The following F10 variants were observed in gnomAD, a reference collection of about 807,000 sequenced individuals.
The protein encoded by F10 is Stuart-Prower factor.
Under a neutral mutation model 37.1 loss-of-function variants are expected in F10, and 29 were observed. The ratio of observed to expected loss-of-function variants is 0.78; its 90% CI spans 0.58 to 1.07. The LOEUF is 1.07. F10 is among the 50% of genes least tolerant of loss of function. F10 has a pLI of 0.00. For missense variants in F10, 539 were observed against 667.9 expected (o/e 0.81, Z 2.13); for synonymous variants, 262 against 268.6 (o/e 0.98, Z 0.24).
At position 113,143,927 on chromosome 13, in the gene F10, G is replaced by A. The variant is rs1168291349; in HGVS notation, c.579G>A (p.Glu193=). ...CCCAGGCCACCAGCAGCAGCGGGGAGGCCCCTGACAGCATCACATGGAAGC... is the reference window on the plus strand; with the variant it reads ...CCCAGGCCACCAGCAGCAGCGGGGAAGCCCCTGACAGCATCACATGGAAGC... ...SVAQATSSSG[E]APDSITWKPY... is the part of the protein sequence containing the mutation. Residue 193 remains glutamate, a synonymous_variant, in exon 6 of 8, where the codon GAG becomes GAA. Transcript: ENST00000375559. The surrounding 1 kb of genome is among the most constrained non-coding windows in gnomAD (Gnocchi z 6.8). 6.2e-7 allele frequency: 1 copy of A among 1,613,498 alleles called. No individual in the cohort carries two copies. The highest frequency in any genetic ancestry group is 8.5e-7 in the Non-Finnish European group (1 of 1,180,010).
chr13:113,147,298 G>A (rs367551553), intron 6 of F10, 81 bp from the exon 7 acceptor site: 1 of 938,460 alleles, frequency 1.1e-6, no homozygotes, highest in East Asian at 2.4e-5. Flanking sequence ...GCCGGGCAGT[G>A]CCACCTGAAG....
chr13:113,139,668 G>A lies in F10; in HGVS notation c.370+198G>A, dbSNP rs557070631. Among the ~76,000 whole-genome samples, 2 of 152,022 alleles carry A rather than the reference G, an allele frequency of 1.3e-5. No homozygotes were observed. Among genetic ancestry groups the A allele is most frequent in the South Asian group, 2.1e-4 (1 of 4,786 alleles). ...CCCCAATATGTCCCCCAAACGATTC[G>A]GTTTGGGGGCATGATGAGAGAGACA... On this transcript the variant is annotated intron_variant, in intron 4 of 7. Transcript: ENST00000375559. The surrounding 1 kb of genome is among the most constrained non-coding windows in gnomAD (Gnocchi z 5.2).
chr13:113,144,628 C>T lies in F10; in HGVS notation c.747+533C>T, dbSNP rs1355442062. 6.6e-6 allele frequency among the ~76,000 whole-genome samples: 1 copy of T among 152,252 alleles called. No homozygotes were observed. Among genetic ancestry groups the T allele is most frequent in the Non-Finnish European group, 1.5e-5 (1 of 68,038 alleles). ...TTTCTAATTTTGGAATTTTTTTACCCAAACACCTAAATCCTATGGAGGTAG... is the reference window on the plus strand; with the variant it reads ...TTTCTAATTTTGGAATTTTTTTACCTAAACACCTAAATCCTATGGAGGTAG... On this transcript the variant is annotated intron_variant, in intron 6 of 7. Coordinates refer to ENST00000375559, the MANE Select transcript of F10 (RefSeq NM_000504.4). This position sits in a 1 kb window ranked among gnomAD's most constrained non-coding sequence, Gnocchi z 6.4.
Position 113,129,498 on chromosome 13 carries a change from G to A in F10, c.117G>A (p.Thr39=), listed in dbSNP as rs371972257. 2.5e-5 allele frequency: 40 copies of A among 1,613,994 alleles called. No individual in the cohort carries two copies. Among genetic ancestry groups the A allele is most frequent in the Non-Finnish European group, 3.1e-5 (37 of 1,180,014 alleles). The stretch of plus-strand genomic sequence containing the variant: ...CCAACAACATCCTGGCGAGGGTCAC[G>A]AGGGCCAATTCCTTTCTTGAAGAGA... ...EQANNILARV[T]RANSFLEEMK... The change falls in exon 2 of 8, where the codon ACG becomes ACA. Residue 39 remains threonine (T), a synonymous_variant. Transcript: ENST00000375559.
rs974876792 is a variant in F10 at position 113,146,584 on chromosome 13, T to C, written c.748-795T>C. 5.3e-5 allele frequency among the ~76,000 whole-genome samples: 8 copies of C among 152,232 alleles called. No homozygotes were observed. Among genetic ancestry groups the C allele is most frequent in the African/African-American group, 1.9e-4 (8 of 41,458 alleles). On this transcript the variant is annotated intron_variant, in intron 6 of 7. Coordinates refer to ENST00000375559, the MANE Select transcript of F10 (RefSeq NM_000504.4). The surrounding 1 kb of genome is among the most constrained non-coding windows in gnomAD (Gnocchi z 4.5). Reference sequence around the variant, plus strand: ...GTGTTCGTGTCTTAGAAAGCCTGACTTTCCCTCATGTAAGCTGGATGATGA... The same window carrying C: ...GTGTTCGTGTCTTAGAAAGCCTGACCTTCCCTCATGTAAGCTGGATGATGA...
chr13:113,148,476 T>G (rs2138556341), intron 7 of F10, among the ~76,000 whole-genome samples: 1 of 151,858 alleles, frequency 6.6e-6, no homozygotes, highest in African/African-American at 2.4e-5. Flanking sequence ...CCATGTGTAA[T>G]CATGTTAAAG....
chr13:113,139,519 T>G lies in F10; in HGVS notation c.370+49T>G. 4.2e-6 allele frequency: 6 copies of G among 1,426,048 alleles called. No homozygotes were observed. The highest frequency in any genetic ancestry group is 1.4e-5 in the African/African-American group (1 of 71,332). 88.3% of individuals were successfully genotyped at this position (1,426,048 alleles called of 1,614,324 possible). A position where few individuals can be genotyped will look rare whatever the true frequency, so the allele number is the denominator to read the frequency against. ...CTTCAGATCAGATGCCCCTGAAGAG[T>G]GGCAGGTGGGCGGGGGAAGAAGTGA... On this transcript the variant is annotated intron_variant, in intron 4 of 7. Coordinates refer to ENST00000375559, the MANE Select transcript of F10 (RefSeq NM_000504.4). The surrounding 1 kb of genome is among the most constrained non-coding windows in gnomAD (Gnocchi z 5.2).
intron 1 of F10, among the ~76,000 whole-genome samples, chr13:113,127,833 C>A (rs891840743): frequency 2.0e-5 from 3 of 152,096 alleles, no homozygotes; most frequent in South Asian, 2.1e-4. Flanking sequence ...AGAGCAGAGA[C>A]CTTAAAGACG....
At chr13:113,135,264 A>AAAAG (rs2036468328) in intron 2 of F10, among the ~76,000 whole-genome samples, 1 of 151,900 alleles carries the variant, frequency 6.6e-6, no homozygotes, top group African/African-American at 2.4e-5. Flanking sequence ...AAAACAAAAG[A>AAAAG]AAAGAAAGAA....
At chr13:113,148,391 C>CAT (rs569007060) in intron 7 of F10, among the ~76,000 whole-genome samples, 1,247 of 24,438 alleles carry the variant, frequency 0.051, 16 homozygotes, top group Non-Finnish European at 0.12. Flanking sequence ...TATATATATA[C>CAT]ATATATATAC....
chr13:113,129,613 G>A lies in F10; in HGVS notation c.231+1G>A, dbSNP rs1358590446. The A allele has an allele frequency of 6.2e-7, 1 of 1,614,138 alleles. No individual in the cohort carries two copies. Among genetic ancestry groups the A allele is most frequent in the Non-Finnish European group, 8.5e-7 (1 of 1,180,016 alleles). On this transcript the variant is annotated splice_donor_variant, in intron 2 of 7. Coordinates refer to ENST00000375559, the MANE Select transcript of F10 (RefSeq NM_000504.4). LOFTEE classifies it high-confidence loss of function. ...GGTCTTTGAGGACAGCGACAAGACG[G>A]TAAGGGCTGGGGATAGCCTGGCTGT...
At chr13:113,135,523 G>A (rs1164941970) in intron 2 of F10, among the ~76,000 whole-genome samples, 1 of 152,188 alleles carries the variant, frequency 6.6e-6, no homozygotes, top group Non-Finnish European at 1.5e-5. Flanking sequence ...CAAACACTGT[G>A]TGAAGCCTCT....
At position 113,139,275 on chromosome 13, in the gene F10, G is replaced by A. The variant is rs1328078799; in HGVS notation, c.257-82G>A. The A allele has an allele frequency of 3.6e-6, 4 of 1,126,606 alleles. No homozygotes were observed. Among genetic ancestry groups the A allele is most frequent in the Middle Eastern group, 5.5e-4 (2 of 3,662 alleles). 69.8% of individuals were successfully genotyped at this position (1,126,606 alleles called of 1,614,324 possible). A position where few individuals can be genotyped will look rare whatever the true frequency, so the allele number is the denominator to read the frequency against. ...ACTCTTCCAGTTATCTGAACGGCAG[G>A]GCCAAGGTTAGCACAGCAAAACTGT... On this transcript the variant is annotated intron_variant, in intron 3 of 7. Transcript: ENST00000375559. This position sits in a 1 kb window ranked among gnomAD's most constrained non-coding sequence, Gnocchi z 5.2.
rs2036406262 is a variant in F10, at chr13:113,129,507, T to C, written c.126T>C (p.Asn42=). ...TCCTGGCGAGGGTCACGAGGGCCAA[T>C]TCCTTTCTTGAAGAGATGAAGAAAG... ...NNILARVTRA[N]SFLEEMKKGH... Residue 42 remains asparagine, a synonymous_variant, in exon 2 of 8, where the codon AAT becomes AAC. Coordinates refer to ENST00000375559, the MANE Select transcript of F10 (RefSeq NM_000504.4). The C allele has an allele frequency of 1.9e-6, 3 of 1,614,150 alleles. No homozygotes were observed. The highest frequency in any genetic ancestry group is 2.5e-6 in the Non-Finnish European group (3 of 1,180,008).
rs548495397 is a variant in F10 at position 113,127,843 on chromosome 13, G to A, written c.71-1609G>A. 5.9e-5 allele frequency among the ~76,000 whole-genome samples: 9 copies of A among 152,274 alleles called. No individual in the cohort carries two copies. The South Asian group carries it at 6.2e-4, about 11-fold the overall frequency. On this transcript the variant is annotated intron_variant, in intron 1 of 7. Transcript: ENST00000375559. ...AACAAAGAGCAGAGACCTTAAAGAC[G>A]AGTGGGGCCAGGCTGAAGGGGCACA...
chr13:113,142,793 G>A (rs142430709), intron 5 of F10, among the ~76,000 whole-genome samples: 20 of 148,658 alleles, frequency 1.3e-4, no homozygotes, highest in East Asian at 8.1e-4. Flanking sequence ...TTAGCTGGGC[G>A]TGGTGGCGCA....
chr13:113,124,695 C>T (rs2036354169), intron 1 of F10, among the ~76,000 whole-genome samples: 1 of 152,236 alleles, frequency 6.6e-6, no homozygotes, highest in Non-Finnish European at 1.5e-5. Flanking sequence ...TCCTGGCAGT[C>T]ACGGAAGTTC....
intron 1 of F10, among the ~76,000 whole-genome samples, chr13:113,124,080 C>T (rs1012554610): frequency 2.6e-5 from 4 of 152,222 alleles, no homozygotes; most frequent in Admixed American, 1.3e-4. Context: ...CAGATGCTTC[C>T]GCGAATTGGT....
At chr13:113,132,815 G>A (rs2036446238) in intron 2 of F10, among the ~76,000 whole-genome samples, 1 of 152,036 alleles carries the variant, frequency 6.6e-6, no homozygotes, top group Non-Finnish European at 1.5e-5. Flanking sequence ...TTCCACATAT[G>A]GAAAATTCCT....
Sources: gnomAD v4.1 joint callset for allele counts (sites outside exome capture counted in the v4.1 genomes callset) on GRCh38, gnomAD v4.1.1 for gene constraint, Gnocchi (gnomAD v3.1) non-coding constraint, MANE v1.5 for transcripts, NCBI Gene and HGNC (gene_info 2026-07-23, HGNC 2026-07-21) for gene names.